The following CCDC92B variants were observed in gnomAD, a reference collection of about 807,000 sequenced individuals.
The protein encoded by CCDC92B is coiled-coil domain-containing 92B.
A neutral mutation model predicts 5.6 loss-of-function variants in CCDC92B; 2 were observed. The ratio of observed to expected loss-of-function variants is 0.36; its 90% CI spans 0.15 to 1.12. The LOEUF (loss-of-function observed/expected upper bound fraction) is 1.12, where lower values mean the gene tolerates loss of function less well. Ranked by LOEUF, CCDC92B falls within the 50% of genes most tolerant of loss-of-function variation. CCDC92B has a pLI of 0.40. For synonymous variants in CCDC92B, 115 were observed against 122.3 expected, an observed-to-expected ratio of 0.94 and a Z score of 0.39; for missense variants, 271 against 262.2, an observed-to-expected ratio of 1.03 and a Z score of -0.23.
chr17:2,724,925 G>C lies in CCDC92B; in HGVS notation c.254C>G (p.Ala85Gly), dbSNP rs2070708119. The C allele has an allele frequency of 1.0e-6, 1 of 985,444 alleles. No individual in the cohort carries two copies. The highest frequency in any genetic ancestry group is 1.2e-6 in the Non-Finnish European group (1 of 829,990). 61.0% of individuals were successfully genotyped at this position (985,444 alleles called of 1,614,324 possible). Residue 85 changes from alanine (A) to glycine (G), a missense_variant, in exon 4 of 4, where the codon GCG (alanine) becomes GGG (glycine). Ala to Gly is a moderately conservative substitution (Grantham distance 60, BLOSUM62 0). Coordinates refer to ENST00000614400, the MANE Select transcript of CCDC92B (RefSeq NM_001355573.2). The surrounding 1 kb of genome is among the most constrained non-coding windows in gnomAD (Gnocchi z 5.0). The stretch of plus-strand genomic sequence containing the variant: ...CTGCGCCACCTCCCGCCGCAGCTCC[G>C]CGTTGGCCGCAGCACGCGCCTCCAG... The part of the protein sequence containing the change: ...SQLEARAAAN[A>G]ELRREVAQRE...
Position 2,724,990 on chromosome 17 carries a change from G to A in CCDC92B, c.189C>T (p.Ser63=). The part of the protein sequence containing the change: ...EAQSHQQEAA[S]RELESKCRAL... ...CGCGGCACTTGCTCTCCAGCTCCCGGGACGCCGCCTCTGGAACGGGGCAGA... is the reference window on the plus strand; with the variant it reads ...CGCGGCACTTGCTCTCCAGCTCCCGAGACGCCGCCTCTGGAACGGGGCAGA... Residue 63 remains serine, a synonymous_variant, in exon 4 of 4, where the codon TCC becomes TCT. Transcript: ENST00000614400. The surrounding 1 kb of genome is among the most constrained non-coding windows in gnomAD (Gnocchi z 5.0). 1 of 985,354 alleles carries A rather than the reference G, an allele frequency of 1.0e-6. No individual in the cohort carries two copies. The highest frequency in any genetic ancestry group is 1.2e-6 in the Non-Finnish European group (1 of 829,950). The allele number at this position is 985,354 out of a possible 1,614,324, so 61.0% of individuals were successfully genotyped here.
chr17:2,726,864 C>T (rs561730602), intron 3 of CCDC92B, among the ~76,000 whole-genome samples: 4 of 151,616 alleles, frequency 2.6e-5, no homozygotes, highest in Admixed American at 6.6e-5. Context: ...CCACCCGCCT[C>T]GGACTCCCAG....
chr17:2,737,621 A>G (rs376894403), intron 1 of CCDC92B, among the ~76,000 whole-genome samples: 43 of 149,510 alleles, frequency 2.9e-4, no homozygotes, highest in Admixed American at 6.0e-4. Context: ...ACAGGCGCCC[A>G]CCACCACGCC....
rs1281492215 is a variant in CCDC92B at position 2,724,510 on chromosome 17, G to A, written c.669C>T (p.Ser223=). 2 of 982,356 alleles carry A rather than the reference G, an allele frequency of 2.0e-6. No individual in the cohort carries two copies. The highest frequency in any genetic ancestry group is 3.5e-5 in the African/African-American group (2 of 56,834). 60.9% of individuals were successfully genotyped at this position (982,356 alleles called of 1,614,324 possible). A position where few individuals can be genotyped will look rare whatever the true frequency, so the allele number is the denominator to read the frequency against. ...FLYARRPLRP[S]ARSPRQPPPQ... ...GAGGCGGCTGGCGCGGGCTGCGGGC[G>A]CTGGGCCGCAGCGGCCTGCGTGCAT... The change falls in exon 4 of 4, where the codon AGC becomes AGT. Residue 223 remains serine (S), a synonymous_variant. Transcript: ENST00000614400. The surrounding 1 kb of genome is among the most constrained non-coding windows in gnomAD (Gnocchi z 5.0).
In CCDC92B at chr17:2,721,852, G is replaced by A. The variant is rs2070660703; in HGVS notation, c.*2559C>T. 6.6e-6 allele frequency: 1 copy of A among 152,322 alleles called. No homozygotes were observed. Among genetic ancestry groups the A allele is most frequent in the Non-Finnish European group, 1.5e-5 (1 of 68,144 alleles). 9.4% of individuals were successfully genotyped at this position (152,322 alleles called of 1,614,324 possible). The stretch of plus-strand genomic sequence containing the variant: ...GTCATTATCTGTGGTTGCTGGAAGA[G>A]GGATGGGAGTTGGGTGGAGCTGATG... On this transcript the variant is annotated 3_prime_UTR_variant, in exon 4 of 4. Transcript: ENST00000614400.
chr17:2,731,825 A>G (rs1039514452), intron 2 of CCDC92B, among the ~76,000 whole-genome samples: 2 of 152,226 alleles, frequency 1.3e-5, no homozygotes, highest in East Asian at 3.8e-4. Flanking sequence ...GCCTAGGTTC[A>G]GGGATTTGGG....
At chr17:2,732,077 A>G (rs917064446) in intron 2 of CCDC92B, among the ~76,000 whole-genome samples, 1 of 152,206 alleles carries the variant, frequency 6.6e-6, no homozygotes, top group African/African-American at 2.4e-5. Context: ...GGATTAAATG[A>G]GAAAAAAACA....
rs2070694979 is a variant in CCDC92B at position 2,724,181 on chromosome 17, C to T, written c.*230G>A. On this transcript the variant is annotated 3_prime_UTR_variant, in exon 4 of 4. Transcript: ENST00000614400. This position sits in a 1 kb window ranked among gnomAD's most constrained non-coding sequence, Gnocchi z 5.0. ...CCTCTCGGTAGAGAAGGTGCCCCCG[C>T]TCGGCCCCGCGGAGGAACTCTCGCG... 3.0e-6 allele frequency: 3 copies of T among 985,400 alleles called. No individual in the cohort carries two copies. The highest frequency in any genetic ancestry group is 3.6e-6 in the Non-Finnish European group (3 of 829,920). 61.0% of individuals were successfully genotyped at this position (985,400 alleles called of 1,614,324 possible). A position where few individuals can be genotyped will look rare whatever the true frequency, so the allele number is the denominator to read the frequency against.
In CCDC92B at chr17:2,724,194, A is replaced by G; in HGVS notation, c.*217T>C. 1.0e-6 allele frequency: 1 copy of G among 985,028 alleles called. No individual in the cohort carries two copies. The highest frequency in any genetic ancestry group is 1.2e-6 in the Non-Finnish European group (1 of 829,814). 61.0% of individuals were successfully genotyped at this position (985,028 alleles called of 1,614,324 possible). On this transcript the variant is annotated 3_prime_UTR_variant, in exon 4 of 4. Coordinates refer to ENST00000614400, the MANE Select transcript of CCDC92B (RefSeq NM_001355573.2). The surrounding 1 kb of genome is among the most constrained non-coding windows in gnomAD (Gnocchi z 5.0). The stretch of plus-strand genomic sequence containing the variant: ...AAGGTGCCCCCGCTCGGCCCCGCGG[A>G]GGAACTCTCGCGCGAGGAGAGGGCT...
Position 2,730,461 on chromosome 17 carries a change from G to C in CCDC92B, c.163C>G (p.Gln55Glu). The C allele has an allele frequency of 1.0e-6, 1 of 984,822 alleles. No individual in the cohort carries two copies. Among genetic ancestry groups the C allele is most frequent in the Non-Finnish European group, 1.2e-6 (1 of 830,032 alleles). 61.0% of individuals were successfully genotyped at this position (984,822 alleles called of 1,614,324 possible). A position where few individuals can be genotyped will look rare whatever the true frequency, so the allele number is the denominator to read the frequency against. ...LTHDLEMREA[Q>E]SHQQEAASRE... ...CTTCTCTTACCTTGCTGGTGAGATT[G>C]GGCCTCTCTCATTTCCAGGTCATGG... Residue 55 changes from glutamine (Q) to glutamate (E), a missense_variant, in exon 3 of 4, where the codon CAA becomes GAA. By Grantham distance (29) the Gln-to-Glu change is conservative. Transcript: ENST00000614400.
At chr17:2,746,834 G>T (rs976800896) in intron 1 of CCDC92B, among the ~76,000 whole-genome samples, 1 of 151,870 alleles carries the variant, frequency 6.6e-6, no homozygotes, top group African/African-American at 2.4e-5. Flanking sequence ...AACACACCCA[G>T]CTATTTTTTG....
intron 3 of CCDC92B, among the ~76,000 whole-genome samples, chr17:2,728,371 G>A (rs2070756925): frequency 6.6e-6 from 1 of 151,682 alleles, no homozygotes; most frequent in South Asian, 2.1e-4. Context: ...ACTTTGGGAG[G>A]CCGAGGTGGG....
intron 2 of CCDC92B, among the ~76,000 whole-genome samples, chr17:2,732,690 C>T (rs1055534976): frequency 6.6e-6 from 1 of 151,286 alleles, no homozygotes; most frequent in African/African-American, 2.4e-5. Context: ...GTACTCCAGC[C>T]AGGGCAACAG....
intron 1 of CCDC92B, among the ~76,000 whole-genome samples, chr17:2,746,184 G>A (rs1487508837): frequency 6.6e-6 from 1 of 152,166 alleles, no homozygotes; most frequent in Non-Finnish European, 1.5e-5. Flanking sequence ...GTTTTGCCAT[G>A]TTGGCCAGGC....
chr17:2,745,861 C>G (rs1283999945), intron 1 of CCDC92B, among the ~76,000 whole-genome samples: 2 of 152,236 alleles, frequency 1.3e-5, no homozygotes, highest in African/African-American at 4.8e-5. Context: ...AGAGGTCACA[C>G]TCCTCTGTCC....
chr17:2,733,363 G>A (rs1223131820), intron 2 of CCDC92B, among the ~76,000 whole-genome samples: 1 of 151,248 alleles, frequency 6.6e-6, no homozygotes, highest in Middle Eastern at 3.2e-3. Context: ...AGGTTCAAGC[G>A]ATTCTCCTGC....
At chr17:2,748,156 C>G in intron 1 of CCDC92B, 1 of 535,364 alleles carries the variant, frequency 1.9e-6, no homozygotes, top group Non-Finnish European at 3.8e-6. Context: ...TGATCTTCTT[C>G]TCTTTTGGAT....
At chr17:2,738,293 C>T (rs2070877759) in intron 1 of CCDC92B, among the ~76,000 whole-genome samples, 1 of 152,052 alleles carries the variant, frequency 6.6e-6, no homozygotes. Context: ...CCACCTTGGT[C>T]TCCCAAAGTG....
At chr17:2,747,518 G>A (rs1405044634) in intron 1 of CCDC92B, among the ~76,000 whole-genome samples, 2 of 152,182 alleles carry the variant, frequency 1.3e-5, no homozygotes, top group African/African-American at 4.8e-5. Context: ...CCTGAGGTCA[G>A]GAGTTTGAGA....
Sources: allele counts gnomAD v4.1 joint callset (sites outside exome capture counted in the v4.1 genomes callset), GRCh38; gene constraint gnomAD v4.1.1; non-coding constraint Gnocchi (gnomAD v3.1); transcripts MANE v1.5; gene names NCBI Gene and HGNC (gene_info 2026-07-23, HGNC 2026-07-21).